The following ZNF273 variants were observed in gnomAD, a reference collection of about 807,000 sequenced individuals.
ZNF273 encodes zinc finger protein 9.
Under a neutral mutation model 14.9 loss-of-function variants are expected in ZNF273, and 11 were observed. The observed-to-expected ratio is 0.74, with a 90% CI of 0.46 to 1.22. ZNF273 has a LOEUF of 1.22. Among genes scored for constraint, ZNF273 ranks in the 50% most tolerant of loss-of-function variants. The pLI, the probability that ZNF273 is intolerant of heterozygous loss-of-function variation, is 0.00. For missense variants in ZNF273, 577 were observed against 660.6 expected, an observed-to-expected ratio of 0.87 and a Z score of 1.39; for synonymous variants, 199 against 223.9, an observed-to-expected ratio of 0.89 and a Z score of 0.99.
At chr7:64,916,927 G>A (rs1794046936) in intron 1 of ZNF273, 1 of 972,660 alleles carries the variant, frequency 1.0e-6, no homozygotes, top group Non-Finnish European at 1.3e-6. Context: ...TGCAGCTGAT[G>A]TGCATAAACC....
At chr7:64,901,236 C>G (rs1370356461), upstream of ZNF273, among the ~76,000 whole-genome samples, 1 of 152,110 alleles carries the variant, frequency 6.6e-6, no homozygotes, top group East Asian at 1.9e-4. Context: ...CTCCTGACCT[C>G]AGGTGATCTA....
chr7:64,912,840 T>TG lies in ZNF273; in HGVS notation c.103-4741_103-4740insG, dbSNP rs1562959208. Among the ~76,000 whole-genome samples, 46 of 117,388 alleles carry TG rather than the reference T, an allele frequency of 3.9e-4. 2 individuals are homozygous for TG. The highest frequency in any genetic ancestry group is 1.3e-3 in the African/African-American group (45 of 34,788). 77.0% of individuals were successfully genotyped at this position (117,388 alleles called of 152,430 possible). A position where few individuals can be genotyped will look rare whatever the true frequency, so the allele number is the denominator to read the frequency against. On this transcript the variant is annotated intron_variant, in intron 1 of 3. Transcript: ENST00000476120. ...GATTCATTTTAGTTTTTTTTTTTTT[T>TG]TTTTTTGAGATTGAGTTTCGCTCTG... is the stretch of plus-strand genomic sequence containing the variant.
Position 64,904,402 on chromosome 7 carries a change from A to AT in ZNF273, c.102+990dup, listed in dbSNP as rs908413205. Among the ~76,000 whole-genome samples the AT allele has an allele frequency of 1.6e-4, 25 of 152,130 alleles. 1 individual carries two copies. The highest frequency in any genetic ancestry group is 1.4e-3 in the Admixed American group (22 of 15,278). On this transcript the variant is annotated intron_variant, in intron 1 of 3. Transcript: ENST00000476120. Reference sequence around the variant, plus strand: ...ACCGCGCCCGGCCAATTTGAGTTAGATTTTTTTAAAAAATGGGGACCCTGG... The same window carrying AT: ...ACCGCGCCCGGCCAATTTGAGTTAGATTTTTTTTAAAAAATGGGGACCCTGG...
Position 64,912,465 on chromosome 7 carries a change from C to T in ZNF273, c.103-5116C>T, listed in dbSNP as rs1793589260. On this transcript the variant is annotated intron_variant, in intron 1 of 3. Transcript: ENST00000476120. ...TCTAAGAACTTGCTTTATTCATGTG[C>T]ACTCATGAATAACACCTCTTTTCTT... Among the ~76,000 whole-genome samples, 3 of 152,210 alleles carry T rather than the reference C, an allele frequency of 2.0e-5. No homozygotes were observed. In the South Asian group the frequency reaches 6.2e-4, roughly 32 times the overall value.
chr7:64,892,891 C>A (rs1234518316), downstream of ZNF273, among the ~76,000 whole-genome samples: 1 of 152,070 alleles, frequency 6.6e-6, no homozygotes, highest in Non-Finnish European at 1.5e-5. Flanking sequence ...GTAAGTGGGT[C>A]TTAAGTGGGT....
At chr7:64,907,872 G>A (rs1397348577) in intron 1 of ZNF273, among the ~76,000 whole-genome samples, 1 of 152,028 alleles carries the variant, frequency 6.6e-6, no homozygotes, top group Admixed American at 6.6e-5. Flanking sequence ...TAGAGGAAAT[G>A]AGCTGTGATA....
chr7:64,913,476 T>C (rs544312119), intron 1 of ZNF273, among the ~76,000 whole-genome samples: 1 of 151,870 alleles, frequency 6.6e-6, no homozygotes, highest in Admixed American at 6.6e-5. Context: ...GTGAACACAG[T>C]GTCTGCTTAA....
intron 1 of ZNF273, among the ~76,000 whole-genome samples, chr7:64,884,999 G>A (rs1791492694): frequency 1.3e-5 from 2 of 152,206 alleles, no homozygotes; most frequent in Admixed American, 6.5e-5. Flanking sequence ...CACCTGCCTC[G>A]CGGATTCGCA....
intron 1 of ZNF273, among the ~76,000 whole-genome samples, chr7:64,908,449 G>A (rs1434438272): frequency 2.0e-5 from 3 of 152,084 alleles, no homozygotes; most frequent in African/African-American, 7.2e-5. Context: ...CCCGCTTTGA[G>A]TCCATGTGTT....
upstream of ZNF273, among the ~76,000 whole-genome samples, chr7:64,899,255 GA>G (rs998818326): frequency 3.9e-5 from 6 of 152,046 alleles, no homozygotes; most frequent in Admixed American, 6.5e-5. Flanking sequence ...CCAAGCCATT[GA>G]AAAAAAATGT....
Position 64,912,827 on chromosome 7 carries a change from T to G in ZNF273, c.103-4754T>G, listed in dbSNP as rs1018062332. ...CTTTTTGACTCAGGATTCATTTTAG[T>G]TTTTTTTTTTTTTTTTTTTGAGATT... On this transcript the variant is annotated intron_variant, in intron 1 of 3. Coordinates refer to ENST00000476120, the MANE Select transcript of ZNF273 (RefSeq NM_021148.3). Among the ~76,000 whole-genome samples the G allele has an allele frequency of 2.2e-4, 10 of 45,964 alleles. 1 individual carries two copies. Among genetic ancestry groups the G allele is most frequent in the African/African-American group, 6.2e-4 (10 of 16,096 alleles). 30.2% of individuals were successfully genotyped at this position (45,964 alleles called of 152,430 possible).
downstream of ZNF273, among the ~76,000 whole-genome samples, chr7:64,933,928 T>C (rs1447696100): frequency 2.0e-5 from 3 of 152,242 alleles, no homozygotes; most frequent in Admixed American, 6.5e-5. Flanking sequence ...ATTTTTTCAG[T>C]ATTAGCATAT....
upstream of ZNF273, among the ~76,000 whole-genome samples, chr7:64,898,893 A>C (rs1792519040): frequency 6.6e-6 from 1 of 152,236 alleles, no homozygotes; most frequent in Admixed American, 6.5e-5. Flanking sequence ...TGTTTTTGGC[A>C]GCTAATGGCA....
intron 3 of ZNF273, among the ~76,000 whole-genome samples, chr7:64,925,660 G>A (rs985775099): frequency 1.3e-5 from 2 of 151,892 alleles, no homozygotes; most frequent in African/African-American, 4.8e-5. Flanking sequence ...GGTTGGTCTC[G>A]AACTCTTGAC....
chr7:64,911,666 A>AT (rs1412467572), intron 1 of ZNF273, among the ~76,000 whole-genome samples: 6 of 151,670 alleles, frequency 4.0e-5, no homozygotes, highest in African/African-American at 1.2e-4. Context: ...TATTTTATTA[A>AT]TTTTTTCAAA....
Position 64,927,959 on chromosome 7 carries a change from T to C in ZNF273, c.631T>C (p.Cys211Arg). ...TGKKPFKCKE[C>R]GKSCCILSQL... is the part of the protein sequence containing the mutation. ...AAAGAAACCTTTCAAATGTAAAGAA[T>C]GTGGCAAATCATGTTGCATACTTTC... The change falls in exon 4 of 4, where the codon TGT (cysteine) becomes CGT (arginine). Residue 211 changes from cysteine (C) to arginine (R), a missense_variant. Transcript: ENST00000476120. 2 of 1,613,898 alleles carry C rather than the reference T, an allele frequency of 1.2e-6. No homozygotes were observed. Among genetic ancestry groups the C allele is most frequent in the South Asian group, 1.1e-5 (1 of 91,018 alleles).
chr7:64,900,518 C>T (rs1447682136), upstream of ZNF273, among the ~76,000 whole-genome samples: 1 of 152,132 alleles, frequency 6.6e-6, no homozygotes, highest in African/African-American at 2.4e-5. Flanking sequence ...ATAAGCAAAC[C>T]GGAAGCTTGC....
chr7:64,889,466 C>T (rs1791828550), downstream of ZNF273: 2 of 985,936 alleles, frequency 2.0e-6, no homozygotes, highest in Non-Finnish European at 2.4e-6. The surrounding 1 kb of genome is among the most constrained non-coding windows in gnomAD (Gnocchi z 4.2). Context: ...CCTGGGGCTG[C>T]GTCCCCGCGG....
At chr7:64,916,957 C>CT in intron 1 of ZNF273, 1 of 1,185,706 alleles carries the variant, frequency 8.4e-7, no homozygotes, top group South Asian at 1.6e-5. Flanking sequence ...AATCTGGAAG[C>CT]TGCCCTTCTT....
Sources: gnomAD v4.1 joint callset for allele counts (sites outside exome capture counted in the v4.1 genomes callset) on GRCh38, gnomAD v4.1.1 for gene constraint, Gnocchi (gnomAD v3.1) non-coding constraint, MANE v1.5 for transcripts, NCBI Gene and HGNC (gene_info 2026-07-23, HGNC 2026-07-21) for gene names.